The following PELI2 variants were observed in gnomAD, a reference collection of about 807,000 sequenced individuals.
The protein encoded by PELI2 is pellino E3 ubiquitin protein ligase family member 2.
In PELI2, 23 loss-of-function variants were observed where a neutral mutation model predicts 42.3. That is an observed-to-expected ratio of 0.54 (90% CI 0.39 to 0.77). The LOEUF (loss-of-function observed/expected upper bound fraction) is 0.77, where lower values mean the gene tolerates loss of function less well. Among genes scored for constraint, PELI2 ranks in the 30% least tolerant of loss-of-function variants. The probability of loss-of-function intolerance (pLI) is 0.00; values close to 1 mark genes in which losing one functional copy is unlikely to be tolerated. For missense variants in PELI2, 463 were observed against 553.2 expected (o/e 0.84, Z 1.64); for synonymous variants, 245 against 212.2 (o/e 1.15, Z -1.34).
In PELI2 at chr14:56,296,460, C is replaced by A. The variant is rs143238628; in HGVS notation, c.697-140C>A. The A allele has an allele frequency of 4.2e-4, 255 of 613,450 alleles. 2 individuals are homozygous for A. Among genetic ancestry groups the A allele is most frequent in the African/African-American group, 3.8e-3 (207 of 54,212 alleles). 38.0% of individuals were successfully genotyped at this position (613,450 alleles called of 1,614,324 possible). A position where few individuals can be genotyped will look rare whatever the true frequency, so the allele number is the denominator to read the frequency against. On this transcript the variant is annotated intron_variant, in intron 5 of 5. Transcript: ENST00000267460. ...TGAGGCTCGGGGAGGATAGGTTACT[C>A]CCCCAGTTCTGTTTTTGTGGGATAA...
intron 2 of PELI2, among the ~76,000 whole-genome samples, chr14:56,276,140 G>A (rs1365521504): frequency 6.6e-6 from 1 of 152,198 alleles, no homozygotes; most frequent in Non-Finnish European, 1.5e-5. Flanking sequence ...AATGCCATAT[G>A]TACTTGCAGA....
chr14:56,189,266 C>T (rs1335534003), intron 2 of PELI2, among the ~76,000 whole-genome samples: 1 of 152,196 alleles, frequency 6.6e-6, no homozygotes, highest in Non-Finnish European at 1.5e-5. Context: ...AGCATGTTTA[C>T]TACTCAGTTT....
In PELI2 at chr14:56,288,771, C is replaced by T. The variant is rs542081564; in HGVS notation, c.507+137C>T. ...TTTGAGATTTTAGTTTTCAGGTGGCCAGTTTGAGAAACTTGTTATTAAAAA... is the reference window on the plus strand; with the variant it reads ...TTTGAGATTTTAGTTTTCAGGTGGCTAGTTTGAGAAACTTGTTATTAAAAA... On this transcript the variant is annotated intron_variant, in intron 4 of 5. Transcript: ENST00000267460. This position sits in a 1 kb window ranked among gnomAD's most constrained non-coding sequence, Gnocchi z 4.6. 1 of 626,514 alleles carries T rather than the reference C, an allele frequency of 1.6e-6. No individual in the cohort carries two copies. The highest frequency in any genetic ancestry group is 2.0e-5 in the South Asian group (1 of 49,664). The allele number at this position is 626,514 out of a possible 1,614,324, so 38.8% of individuals were successfully genotyped here.
At chr14:56,267,218 ATG>A (rs1888939204) in intron 2 of PELI2, among the ~76,000 whole-genome samples, 2 of 152,238 alleles carry the variant, frequency 1.3e-5, no homozygotes, top group Admixed American at 1.3e-4. Context: ...TATAGAGATT[ATG>A]AATGTTATAG....
intron 2 of PELI2, among the ~76,000 whole-genome samples, chr14:56,253,378 G>A (rs918822413): frequency 2.6e-5 from 4 of 152,114 alleles, no homozygotes; most frequent in East Asian, 1.9e-4. Context: ...AAGAAATAAA[G>A]CGTATTCAAT....
intron 2 of PELI2, among the ~76,000 whole-genome samples, chr14:56,234,825 A>G (rs941701161): frequency 4.6e-5 from 7 of 152,098 alleles, no homozygotes; most frequent in East Asian, 3.9e-4. Context: ...AAAACTGGAA[A>G]TGAAGGTGAA....
intron 1 of PELI2, among the ~76,000 whole-genome samples, chr14:56,125,416 A>AGGGGGGGGGGG (rs111561963): frequency 8.9e-6 from 1 of 112,144 alleles, no homozygotes; most frequent in Non-Finnish European, 1.8e-5. Context: ...TTGGGTGGGC[A>AGGGGGGGGGGG]GGGGGGGGGT....
chr14:56,217,957 ACT>A (rs1886971792), intron 2 of PELI2, among the ~76,000 whole-genome samples: 1 of 152,246 alleles, frequency 6.6e-6, no homozygotes, highest in African/African-American at 2.4e-5. Context: ...CACTCTGCTA[ACT>A]ACTTTTCACA....
At chr14:56,235,867 G>C (rs937249504) in intron 2 of PELI2, among the ~76,000 whole-genome samples, 1 of 152,164 alleles carries the variant, frequency 6.6e-6, no homozygotes, top group Admixed American at 6.6e-5. Flanking sequence ...GTACATTTAG[G>C]TACAAAGGCA....
intron 1 of PELI2, among the ~76,000 whole-genome samples, chr14:56,143,312 C>G (rs1883986207): frequency 6.6e-6 from 1 of 152,214 alleles, no homozygotes; most frequent in African/African-American, 2.4e-5. Context: ...ACACTGCATA[C>G]AAATGATGAT....
chr14:56,247,053 C>G (rs1322937963), intron 2 of PELI2, among the ~76,000 whole-genome samples: 2 of 152,130 alleles, frequency 1.3e-5, no homozygotes, highest in African/African-American at 4.8e-5. Context: ...GAATGTGTAC[C>G]TGTGTCTCTG....
intron 2 of PELI2, among the ~76,000 whole-genome samples, chr14:56,206,988 A>G (rs868826091): frequency 1.3e-5 from 2 of 152,232 alleles, no homozygotes; most frequent in Non-Finnish European, 2.9e-5. Flanking sequence ...AAAGGTTCTT[A>G]GTTTTCAGTG....
At chr14:56,129,053 G>A (rs772516243) in intron 1 of PELI2, among the ~76,000 whole-genome samples, 39 of 152,110 alleles carry the variant, frequency 2.6e-4, no homozygotes, top group Non-Finnish European at 4.9e-4. Flanking sequence ...GGAATTGAAG[G>A]GGTGAGAGGG....
chr14:56,185,433 A>G (rs1885739122), intron 2 of PELI2, among the ~76,000 whole-genome samples: 1 of 152,150 alleles, frequency 6.6e-6, no homozygotes, highest in African/African-American at 2.4e-5. Flanking sequence ...CTTTCAAACC[A>G]CCTAAGTAAA....
At chr14:56,190,963 A>C (rs1285770439) in intron 2 of PELI2, among the ~76,000 whole-genome samples, 3 of 152,370 alleles carry the variant, frequency 2.0e-5, no homozygotes, top group East Asian at 3.9e-4. Context: ...CTGCTAAAAC[A>C]GTAATGATTT....
intron 2 of PELI2, among the ~76,000 whole-genome samples, chr14:56,209,269 C>A (rs1420879025): frequency 2.6e-5 from 4 of 152,254 alleles, no homozygotes; most frequent in South Asian, 2.1e-4. Context: ...TAAGAAGTGA[C>A]CCCCACTTGC....
At chr14:56,209,879 C>T (rs962415493) in intron 2 of PELI2, among the ~76,000 whole-genome samples, 11 of 152,254 alleles carry the variant, frequency 7.2e-5, no homozygotes, top group Admixed American at 2.6e-4. Flanking sequence ...AAATTGCTAG[C>T]GCAGCAGGGT....
intron 1 of PELI2, among the ~76,000 whole-genome samples, chr14:56,162,383 G>A (rs1048486643): frequency 6.6e-6 from 1 of 152,066 alleles, no homozygotes; most frequent in Non-Finnish European, 1.5e-5. Context: ...TTCTGTGCCT[G>A]GCCCATTTCA....
chr14:56,288,883 A>G lies in PELI2; in HGVS notation c.507+249A>G, dbSNP rs530920804. Among the ~76,000 whole-genome samples the G allele has an allele frequency of 3.5e-4, 53 of 152,346 alleles. No individual in the cohort carries two copies. Among genetic ancestry groups the G allele is most frequent in the Middle Eastern group, 3.4e-3 (1 of 294 alleles). ...TAAGTACTTTTTTTAAAGTATGCCT[A>G]TAACATTGTCCATAATGTATTTACG... On this transcript the variant is annotated intron_variant, in intron 4 of 5. Transcript: ENST00000267460. The surrounding 1 kb of genome is among the most constrained non-coding windows in gnomAD (Gnocchi z 4.6).
Sources: gnomAD v4.1 joint callset for allele counts (sites outside exome capture counted in the v4.1 genomes callset) on GRCh38, gnomAD v4.1.1 for gene constraint, Gnocchi (gnomAD v3.1) non-coding constraint, MANE v1.5 for transcripts, NCBI Gene and HGNC (gene_info 2026-07-23, HGNC 2026-07-21) for gene names.